TTC39B: variants seen among roughly 807,000 people sequenced by gnomAD.
The protein encoded by TTC39B is tetratricopeptide repeat protein 39B.
TTC39B carries 92 observed loss-of-function variants against 96.6 expected under a neutral mutation model. The observed-to-expected ratio is 0.95, with a 90% confidence interval of 0.80 to 1.13. The LOEUF is 1.13. TTC39B is among the 50% of genes most tolerant of loss of function. TTC39B has a pLI of 0.00. For missense variants in TTC39B, 955 were observed against 809.3 expected, an observed-to-expected ratio of 1.18 and a Z score of -2.18; for synonymous variants, 367 against 299.4, an observed-to-expected ratio of 1.23 and a Z score of -2.33.
chr9:15,273,288 T>G (rs1246475389), intron 1 of TTC39B, among the ~76,000 whole-genome samples: 1 of 152,222 alleles, frequency 6.6e-6, no homozygotes, highest in Non-Finnish European at 1.5e-5. Context: ...GATTTACAAA[T>G]TTTTCAGGCC....
intron 15 of TTC39B, 41 bp from the exon 16 acceptor site, chr9:15,185,447 C>A (rs1362160162): frequency 6.2e-7 from 1 of 1,608,842 alleles, no homozygotes; most frequent in African/African-American, 1.3e-5. Flanking sequence ...AAGGTCATGG[C>A]AACACATACA....
intron 2 of TTC39B, among the ~76,000 whole-genome samples, chr9:15,234,569 C>T (rs1218882282): frequency 1.3e-5 from 2 of 151,972 alleles, no homozygotes; most frequent in African/African-American, 2.4e-5. Flanking sequence ...ATGACAATGG[C>T]GGTTTTGCGG....
At position 15,207,694 on chromosome 9, in the gene TTC39B, G is replaced by C. The variant is rs1316335658; in HGVS notation, c.691+2394C>G. ...ACATACAGGATGCTTTTTAAAAATG[G>C]AGGATTATCAGCTGGGCACGGTGGC... On this transcript the variant is annotated intron_variant, in intron 6 of 19. Coordinates refer to ENST00000512701, the Ensembl canonical transcript of TTC39B. Among the ~76,000 whole-genome samples, 3 of 152,106 alleles carry C rather than the reference G, an allele frequency of 2.0e-5. No individual in the cohort carries two copies. The South Asian group carries it at 6.2e-4, about 32-fold the overall frequency.
chr9:15,196,292 T>C (rs1035982045), intron 8 of TTC39B, among the ~76,000 whole-genome samples: 1 of 152,226 alleles, frequency 6.6e-6, no homozygotes, highest in Non-Finnish European at 1.5e-5. Context: ...ATTTAAGAAG[T>C]ACATTTTATA....
intron 2 of TTC39B, among the ~76,000 whole-genome samples, chr9:15,239,221 T>A (rs149075677): frequency 2.0e-5 from 3 of 152,134 alleles, no homozygotes; most frequent in Non-Finnish European, 4.4e-5. Flanking sequence ...TGAGATATCA[T>A]CTTATACCAG....
intron 3 of TTC39B, among the ~76,000 whole-genome samples, chr9:15,223,144 G>C (rs562266647): frequency 6.6e-6 from 1 of 152,212 alleles, no homozygotes; most frequent in East Asian, 1.9e-4. Context: ...GAATTTGAGA[G>C]TGACAAGGCA....
chr9:15,178,917 C>T (rs147376682), intron 17 of TTC39B, among the ~76,000 whole-genome samples: 5 of 152,172 alleles, frequency 3.3e-5, no homozygotes, highest in African/African-American at 1.2e-4. Flanking sequence ...ATGTTTACAA[C>T]TTATCAATTC....
At chr9:15,166,553 G>A (rs1365401303) in exon 20 of TTC39B, 11 of 152,148 alleles carry the variant, frequency 7.2e-5, no homozygotes, top group African/African-American at 2.7e-4. Flanking sequence ...GATAGCAGCT[G>A]CTCAACATAA....
At chr9:15,299,058 G>T (rs1450042396) in intron 1 of TTC39B, among the ~76,000 whole-genome samples, 1 of 151,950 alleles carries the variant, frequency 6.6e-6, no homozygotes, top group Non-Finnish European at 1.5e-5. Context: ...AAGTACCCTG[G>T]CATCCCTCCT....
chr9:15,215,363 C>T (rs577144953), intron 3 of TTC39B, among the ~76,000 whole-genome samples: 4 of 150,010 alleles, frequency 2.7e-5, no homozygotes, highest in Admixed American at 2.6e-4. Context: ...TGAGAGACCA[C>T]CCTGACCAAC....
rs72700641 is a variant in TTC39B at position 15,235,311 on chromosome 9, T to C, written c.276-9299A>G. 7.6e-3 allele frequency among the ~76,000 whole-genome samples: 1,157 copies of C among 152,214 alleles called. 24 individuals are homozygous for C. The highest frequency in any genetic ancestry group is 0.027 in the East Asian group (140 of 5,182). The stretch of plus-strand genomic sequence containing the variant: ...AACAAAGCATTTCAGACATACAGGA[T>C]TGTGCAAAGCAACCAAACCTATGGC... On this transcript the variant is annotated intron_variant, in intron 2 of 19. Coordinates refer to ENST00000512701, the Ensembl canonical transcript of TTC39B.
chr9:15,299,598 C>G (rs1396266586), intron 1 of TTC39B, among the ~76,000 whole-genome samples: 3 of 152,096 alleles, frequency 2.0e-5, no homozygotes, highest in Non-Finnish European at 4.4e-5. Flanking sequence ...AATCTCTCCC[C>G]CAGGAAGCCT....
At chr9:15,207,780 T>C (rs1277652309) in intron 6 of TTC39B, among the ~76,000 whole-genome samples, 3 of 151,118 alleles carry the variant, frequency 2.0e-5, no homozygotes, top group South Asian at 2.1e-4. Flanking sequence ...GGTCAGGAGA[T>C]TGAGACATCC....
intron 16 of TTC39B, among the ~76,000 whole-genome samples, chr9:15,183,758 G>A (rs1295086298): frequency 1.3e-5 from 2 of 152,226 alleles, no homozygotes; most frequent in South Asian, 2.1e-4. Context: ...AGCAACAGAA[G>A]GCTCTCATGT....
chr9:15,218,846 C>A (rs1324531206), intron 3 of TTC39B, among the ~76,000 whole-genome samples: 1 of 152,088 alleles, frequency 6.6e-6, no homozygotes, highest in Non-Finnish European at 1.5e-5. Flanking sequence ...ATGTTTCCCA[C>A]AATATATTGG....
intron 1 of TTC39B, among the ~76,000 whole-genome samples, chr9:15,304,655 C>A (rs773504569): frequency 6.6e-6 from 1 of 152,046 alleles, no homozygotes; most frequent in Admixed American, 6.6e-5. Flanking sequence ...CCCAACCTCC[C>A]CCCCGACCCC....
exon 20 of TTC39B, chr9:15,166,545 T>C (rs987830366): frequency 2.6e-5 from 4 of 152,220 alleles, no homozygotes; most frequent in African/African-American, 9.7e-5. Flanking sequence ...CAAGATCAGA[T>C]AGCAGCTGCT....
At chr9:15,271,516 C>T (rs748887850) in intron 1 of TTC39B, among the ~76,000 whole-genome samples, 62 of 152,220 alleles carry the variant, frequency 4.1e-4, no homozygotes, top group African/African-American at 1.3e-3. Context: ...ATAAGGAGTG[C>T]GCAACCTAGA....
intron 17 of TTC39B, among the ~76,000 whole-genome samples, chr9:15,178,235 T>C (rs1045696290): frequency 5.3e-5 from 8 of 152,168 alleles, no homozygotes; most frequent in Non-Finnish European, 8.8e-5. Context: ...GAAAACTTTT[T>C]AGCATTTGTT....
Sources: allele counts gnomAD v4.1 joint callset (sites outside exome capture counted in the v4.1 genomes callset), GRCh38; gene constraint gnomAD v4.1.1; transcripts MANE v1.5; gene names NCBI Gene and HGNC (gene_info 2026-07-23, HGNC 2026-07-21).